PTPRD: variants seen among roughly 807,000 people sequenced by gnomAD.
PTPRD encodes protein tyrosine phosphatase receptor type D.
PTPRD carries 34 observed loss-of-function variants against 214.5 expected under a neutral mutation model. The observed-to-expected ratio is 0.16, with a 90% CI of 0.12 to 0.21. The LOEUF (loss-of-function observed/expected upper bound fraction) is 0.21. Among genes scored for constraint, PTPRD ranks in the 10% least tolerant of loss-of-function variants. The pLI is 1.00. For missense variants in PTPRD, 2,545 were observed against 2,398.7 expected, an observed-to-expected ratio of 1.06 and a Z score of -1.27; for synonymous variants, 1,128 against 845.7, an observed-to-expected ratio of 1.33 and a Z score of -5.79.
intron 3 of PTPRD, among the ~76,000 whole-genome samples, chr9:10,312,217 C>A (rs1324772770): frequency 6.6e-6 from 1 of 151,930 alleles, no homozygotes; most frequent in Non-Finnish European, 1.5e-5. Context: ...ATTACATACT[C>A]CAGTGCCAAC....
intron 10 of PTPRD, among the ~76,000 whole-genome samples, chr9:9,175,599 G>C (rs2099924177): frequency 7.6e-6 from 1 of 131,746 alleles, no homozygotes; most frequent in Admixed American, 9.0e-5. Flanking sequence ...CTCCAGCTTG[G>C]GCAACAGAGT....
intron 4 of PTPRD, among the ~76,000 whole-genome samples, chr9:10,014,409 T>C (rs981441172): frequency 6.6e-6 from 1 of 152,054 alleles, no homozygotes; most frequent in Non-Finnish European, 1.5e-5. Context: ...TAATTGCATA[T>C]ATAAAAGTCC....
At chr9:8,636,869 G>GTTAAA in intron 12 of PTPRD, 25 bp from the exon 13 acceptor site, 1 of 1,606,098 alleles carries the variant, frequency 6.2e-7, no homozygotes. Context: ...AAACATCACA[G>GTTAAA]TTAAATTGAA....
intron 9 of PTPRD, among the ~76,000 whole-genome samples, chr9:9,242,633 C>G (rs998929986): frequency 1.3e-4 from 20 of 152,164 alleles, no homozygotes; most frequent in Non-Finnish European, 1.9e-4. Flanking sequence ...TTGATCGAAT[C>G]AGCTACTGAA....
chr9:9,864,123 G>A (rs1310765713), intron 5 of PTPRD, among the ~76,000 whole-genome samples: 1 of 152,140 alleles, frequency 6.6e-6, no homozygotes, highest in Non-Finnish European at 1.5e-5. Flanking sequence ...TGGCCAACAT[G>A]GTGAAACCCC....
intron 44 of PTPRD, among the ~76,000 whole-genome samples, chr9:8,322,175 A>C (rs1829036924): frequency 1.3e-5 from 2 of 152,128 alleles, no homozygotes; most frequent in South Asian, 4.1e-4. Flanking sequence ...AGGCCTCCCT[A>C]TTCCTTGAGA....
intron 10 of PTPRD, among the ~76,000 whole-genome samples, chr9:9,044,295 G>C (rs1429552991): frequency 6.6e-6 from 1 of 152,172 alleles, no homozygotes; most frequent in Non-Finnish European, 1.5e-5. Context: ...TCTGAGCTTT[G>C]TTTGTTTCAA....
At chr9:8,664,704 T>C (rs2097136025) in intron 12 of PTPRD, among the ~76,000 whole-genome samples, 1 of 152,242 alleles carries the variant, frequency 6.6e-6, no homozygotes, top group African/African-American at 2.4e-5. Flanking sequence ...ACATTGTATA[T>C]ATCCCCACAC....
chr9:10,597,164 C>T (rs1327142498), intron 2 of PTPRD, among the ~76,000 whole-genome samples: 1 of 151,250 alleles, frequency 6.6e-6, no homozygotes, highest in Non-Finnish European at 1.5e-5. Flanking sequence ...TGCTTTATTA[C>T]GAATAGTACA....
chr9:8,636,823 G>A lies in PTPRD; in HGVS notation c.86C>T (p.Thr29Ile). The A allele has an allele frequency of 1.2e-6, 2 of 1,613,862 alleles. No individual in the cohort carries two copies. Among genetic ancestry groups the A allele is most frequent in the African/African-American group, 1.3e-5 (1 of 75,026 alleles). ...DAETPPRFTR[T>I]PVDQTGVSGG... is the part of the protein sequence containing the mutation. ...AGAGACCCCTGTCTGATCAACGGGTGTTCGTGTAAACCTTGGAGGTGCTGA... is the reference window on the plus strand; with the variant it reads ...AGAGACCCCTGTCTGATCAACGGGTATTCGTGTAAACCTTGGAGGTGCTGA... The change falls in exon 13 of 46, where the codon ACA becomes ATA. Residue 29 changes from threonine (T) to isoleucine (I), a missense_variant. Thr to Ile is a moderately conservative substitution (Grantham distance 89). Transcript: ENST00000381196.
At chr9:10,424,815 G>T (rs1297122589) in intron 2 of PTPRD, among the ~76,000 whole-genome samples, 3 of 151,868 alleles carry the variant, frequency 2.0e-5, no homozygotes, top group Non-Finnish European at 4.4e-5. Context: ...AAATGTAAGA[G>T]ATACTACTAT....
At chr9:9,085,514 G>C (rs750173609) in intron 10 of PTPRD, among the ~76,000 whole-genome samples, 1 of 152,150 alleles carries the variant, frequency 6.6e-6, no homozygotes, top group East Asian at 1.9e-4. Context: ...GGAAGAATAA[G>C]ATCCATTTCC....
In PTPRD at chr9:9,317,621, A is replaced by G. The variant is rs996581054; in HGVS notation, c.-203+79828T>C. Among the ~76,000 whole-genome samples the G allele has an allele frequency of 1.3e-5, 2 of 152,054 alleles. 1 individual carries two copies. Among genetic ancestry groups the G allele is most frequent in the South Asian group, 4.1e-4 (2 of 4,826 alleles). ...TCCCAGTCCTGACTCTCTAGAGCTT[A>G]TACTCCACATTGATGCTGATGTTAT... On this transcript the variant is annotated intron_variant, in intron 9 of 45. Coordinates refer to ENST00000381196, the MANE Select transcript of PTPRD (RefSeq NM_002839.4).
chr9:9,795,845 G>A (rs189620376), intron 5 of PTPRD, among the ~76,000 whole-genome samples: 1 of 151,716 alleles, frequency 6.6e-6, no homozygotes, highest in Non-Finnish European at 1.5e-5. Context: ...CTAAACAGTA[G>A]GTAAAATTGC....
At chr9:9,830,401 T>C (rs193121588) in intron 5 of PTPRD, among the ~76,000 whole-genome samples, 1 of 151,992 alleles carries the variant, frequency 6.6e-6, no homozygotes, top group East Asian at 1.9e-4. Context: ...ATTTGTTAAA[T>C]GGGGTGAAGG....
At chr9:10,114,178 C>A (rs2098712466) in intron 3 of PTPRD, among the ~76,000 whole-genome samples, 1 of 152,090 alleles carries the variant, frequency 6.6e-6, no homozygotes, top group Non-Finnish European at 1.5e-5. Flanking sequence ...GTCATTCAAT[C>A]CCTTGGTTTT....
intron 4 of PTPRD, among the ~76,000 whole-genome samples, chr9:9,974,733 T>G (rs2095288490): frequency 6.6e-6 from 1 of 152,162 alleles, no homozygotes; most frequent in South Asian, 2.1e-4. Flanking sequence ...CTGTGAGCTC[T>G]TTGAGGATGG....
At chr9:8,804,330 G>A (rs2096630779) in intron 11 of PTPRD, among the ~76,000 whole-genome samples, 2 of 151,976 alleles carry the variant, frequency 1.3e-5, no homozygotes, top group South Asian at 4.2e-4. Context: ...AAGCACAGTG[G>A]CTCACACTTG....
intron 11 of PTPRD, among the ~76,000 whole-genome samples, chr9:8,944,773 A>C (rs530841443): frequency 6.6e-6 from 1 of 152,146 alleles, no homozygotes; most frequent in Non-Finnish European, 1.5e-5. Context: ...GGGTGAAATA[A>C]GGATGATTAA....
Sources: gnomAD v4.1 joint callset for allele counts (sites outside exome capture counted in the v4.1 genomes callset) on GRCh38, gnomAD v4.1.1 for gene constraint, MANE v1.5 for transcripts, NCBI Gene and HGNC (gene_info 2026-07-23, HGNC 2026-07-21) for gene names.